BCAS3: variants seen among roughly 807,000 people sequenced by gnomAD.
BCAS3 encodes BCAS4/BCAS3 fusion.
In BCAS3, 53 loss-of-function variants were observed where a neutral mutation model predicts 116.1. That is an observed-to-expected ratio of 0.46 (90% CI 0.37 to 0.57). The LOEUF is 0.57. BCAS3 is among the 20% of genes least tolerant of loss of function. The pLI is 0.00. For missense variants in BCAS3, 917 were observed against 1,165.4 expected (o/e 0.79, Z 3.10); for synonymous variants, 391 against 408.2 (o/e 0.96, Z 0.51).
In BCAS3 at chr17:61,083,707, T is replaced by C. The variant is rs192215917; in HGVS notation, c.2328-760T>C. Among the ~76,000 whole-genome samples the C allele has an allele frequency of 4.7e-4, 72 of 152,042 alleles. No homozygotes were observed. The highest frequency in any genetic ancestry group is 7.1e-4 in the Non-Finnish European group (48 of 67,974). ...GGTTTTTGGGTTCCAGCAGTTCTCC[T>C]GCCTCAGCCTCTTGAGTAGCTGGGA... On this transcript the variant is annotated intron_variant, in intron 21 of 23. Transcript: ENST00000407086. This position sits in a 1 kb window ranked among gnomAD's most constrained non-coding sequence, Gnocchi z 4.9.
chr17:61,162,467 GTATTT>G lies in BCAS3; in HGVS notation c.2425+77909_2425+77913del, dbSNP rs1460816448. ...TAGAGAAAGGACAGGTATATACATC[GTATTT>G]TATTTGAAGGTATCCTGACAGAATT... On this transcript the variant is annotated intron_variant, in intron 22 of 23. Transcript: ENST00000407086. The surrounding 1 kb of genome is among the most constrained non-coding windows in gnomAD (Gnocchi z 5.6). 6.6e-6 allele frequency among the ~76,000 whole-genome samples: 1 copy of G among 152,158 alleles called. No individual in the cohort carries two copies. The highest frequency in any genetic ancestry group is 1.5e-5 in the Non-Finnish European group (1 of 68,030).
intron 7 of BCAS3, among the ~76,000 whole-genome samples, chr17:60,856,221 A>G (rs1295151824): frequency 1.3e-5 from 2 of 152,214 alleles, no homozygotes; most frequent in Non-Finnish European, 2.9e-5. Flanking sequence ...TTAAGTTATA[A>G]TGAAGACTCA....
chr17:61,115,843 A>C (rs1328928994), intron 22 of BCAS3, among the ~76,000 whole-genome samples: 1 of 151,430 alleles, frequency 6.6e-6, no homozygotes, highest in Non-Finnish European at 1.5e-5. Context: ...AACCAACCCA[A>C]ATGTCCAACA....
At chr17:60,832,075 CA>C (rs1361933068) in intron 7 of BCAS3, among the ~76,000 whole-genome samples, 2 of 152,154 alleles carry the variant, frequency 1.3e-5, no homozygotes, top group Non-Finnish European at 2.9e-5. Context: ...AATGATAATA[CA>C]CCACTGCACT....
chr17:61,392,204 T>A lies in BCAS3; in HGVS notation c.*79T>A. 1 of 1,487,760 alleles carries A rather than the reference T, an allele frequency of 6.7e-7. No individual in the cohort carries two copies. Among genetic ancestry groups the A allele is most frequent in the Non-Finnish European group, 9.1e-7 (1 of 1,096,332 alleles). 92.2% of individuals were successfully genotyped at this position (1,487,760 alleles called of 1,614,324 possible). A position where few individuals can be genotyped will look rare whatever the true frequency, so the allele number is the denominator to read the frequency against. ...AGAAGCCCCGCTCTGGTCCTACCCT[T>A]CAGTCTCTGCTCTTCCTTCATCAAC... On this transcript the variant is annotated 3_prime_UTR_variant, in exon 24 of 24. Transcript: ENST00000407086. The surrounding 1 kb of genome is among the most constrained non-coding windows in gnomAD (Gnocchi z 6.4).
Position 60,781,586 on chromosome 17 carries a change from G to A in BCAS3, c.404-26418G>A, listed in dbSNP as rs574502133. On this transcript the variant is annotated intron_variant, in intron 6 of 23. Coordinates refer to ENST00000407086, the MANE Select transcript of BCAS3 (RefSeq NM_017679.5). ...TGTACTCCAGCCTGGATGACAGAGT[G>A]AGACCTTTTCTTTCTTCTCCTTCTT... is the stretch of plus-strand genomic sequence containing the variant. 3.9e-5 allele frequency among the ~76,000 whole-genome samples: 6 copies of A among 152,198 alleles called. No homozygotes were observed. The South Asian group carries it at 8.3e-4, about 21-fold the overall frequency.
chr17:60,854,737 A>G (rs985131330), intron 7 of BCAS3, among the ~76,000 whole-genome samples: 1 of 152,198 alleles, frequency 6.6e-6, no homozygotes, highest in East Asian at 1.9e-4. Flanking sequence ...ACACTTTTAC[A>G]CTGTTGGTGG....
intron 4 of BCAS3, among the ~76,000 whole-genome samples, chr17:60,696,100 AG>A (rs1033084201): frequency 6.6e-6 from 1 of 152,190 alleles, no homozygotes; most frequent in African/African-American, 2.4e-5. Context: ...ACAATCAAAG[AG>A]GAAAAAGTAT....
At chr17:61,193,552 G>A (rs968116708) in intron 22 of BCAS3, among the ~76,000 whole-genome samples, 5 of 151,728 alleles carry the variant, frequency 3.3e-5, no homozygotes, top group African/African-American at 1.2e-4. Context: ...GAGGTCCGGA[G>A]TTTGAGACCA....
At chr17:60,886,265 G>A (rs1357620715) in intron 9 of BCAS3, 3 of 136,922 alleles carry the variant, frequency 2.2e-5, no homozygotes, top group South Asian at 2.6e-4. Flanking sequence ...CATTCTTCAC[G>A]TAGTTCTCGA....
chr17:61,052,472 G>T (rs1241528376), intron 19 of BCAS3, among the ~76,000 whole-genome samples: 3 of 152,150 alleles, frequency 2.0e-5, no homozygotes, highest in Middle Eastern at 3.4e-3. Flanking sequence ...GTGTTAGAAG[G>T]CAGCAGATGA....
chr17:60,891,546 T>C (rs1202433180), intron 10 of BCAS3, among the ~76,000 whole-genome samples: 1 of 152,244 alleles, frequency 6.6e-6, no homozygotes, highest in Non-Finnish European at 1.5e-5. Flanking sequence ...TCTAATTGTT[T>C]TAGCTTTGGG....
At chr17:61,160,471 C>T (rs932289640) in intron 22 of BCAS3, among the ~76,000 whole-genome samples, 26 of 152,072 alleles carry the variant, frequency 1.7e-4, no homozygotes, top group African/African-American at 6.0e-4. Flanking sequence ...CCTGTGACTG[C>T]GCTCCTGCAT....
chr17:60,833,193 A>G (rs1458389127), intron 7 of BCAS3, among the ~76,000 whole-genome samples: 1 of 152,096 alleles, frequency 6.6e-6, no homozygotes, highest in Non-Finnish European at 1.5e-5. Flanking sequence ...AAAGAATCCA[A>G]TTTTCAAATA....
At chr17:61,172,427 A>G (rs2078892195) in intron 22 of BCAS3, among the ~76,000 whole-genome samples, 1 of 151,702 alleles carries the variant, frequency 6.6e-6, no homozygotes, top group South Asian at 2.1e-4. Flanking sequence ...AGGTCCAGAG[A>G]TCGAGACCAT....
In BCAS3 at chr17:61,229,619, A is replaced by G. The variant is rs983457046; in HGVS notation, c.2426-138708A>G. On this transcript the variant is annotated intron_variant, in intron 22 of 23. Coordinates refer to ENST00000407086, the MANE Select transcript of BCAS3 (RefSeq NM_017679.5). The surrounding 1 kb of genome is among the most constrained non-coding windows in gnomAD (Gnocchi z 4.4). ...GATGCTCAAACTATAGCACAGACCAATTTTCTTTGTCTAAATACAATAGTT... is the reference window on the plus strand; with the variant it reads ...GATGCTCAAACTATAGCACAGACCAGTTTTCTTTGTCTAAATACAATAGTT... Among the ~76,000 whole-genome samples, 2 of 152,220 alleles carry G rather than the reference A, an allele frequency of 1.3e-5. No individual in the cohort carries two copies. Among genetic ancestry groups the G allele is most frequent in the African/African-American group, 2.4e-5 (1 of 41,462 alleles).
rs545150642 is a variant in BCAS3 at position 61,170,558 on chromosome 17, C to T, written c.2425+85994C>T. 2.6e-5 allele frequency among the ~76,000 whole-genome samples: 4 copies of T among 152,170 alleles called. No homozygotes were observed. In the South Asian group the frequency reaches 8.3e-4, roughly 32 times the overall value. ...CTGCCTGCCTTGGCCTCCCAAAGTG[C>T]TGGGATTACAGGCGTGAGCCACCGC... On this transcript the variant is annotated intron_variant, in intron 22 of 23. Transcript: ENST00000407086.
intron 7 of BCAS3, among the ~76,000 whole-genome samples, chr17:60,813,872 G>C (rs1377258943): frequency 6.6e-6 from 1 of 152,092 alleles, no homozygotes; most frequent in East Asian, 1.9e-4. Context: ...TCTCTTTTCT[G>C]TTCCATTGGT....
chr17:61,318,603 G>A (rs1602644041), intron 22 of BCAS3, among the ~76,000 whole-genome samples: 2 of 152,172 alleles, frequency 1.3e-5, no homozygotes, highest in South Asian at 2.1e-4. Flanking sequence ...GTTATTTCCC[G>A]TGTTTCTCCC....
Sources: allele counts gnomAD v4.1 joint callset (sites outside exome capture counted in the v4.1 genomes callset), GRCh38; gene constraint gnomAD v4.1.1; non-coding constraint Gnocchi (gnomAD v3.1); transcripts MANE v1.5; gene names NCBI Gene and HGNC (gene_info 2026-07-23, HGNC 2026-07-21).